The following DNAAF10 variants were observed in gnomAD, a reference collection of about 807,000 sequenced individuals.
The protein encoded by DNAAF10 is dynein axonemal assembly factor 10.
In DNAAF10, 28 loss-of-function variants were observed where a neutral mutation model predicts 43.7. The ratio of observed to expected loss-of-function variants is 0.64; its 90% CI spans 0.48 to 0.88. DNAAF10 has a LOEUF of 0.88. Ranked by LOEUF, DNAAF10 falls within the 40% of genes least tolerant of loss-of-function variation. The pLI is 0.00. For missense variants in DNAAF10, 403 were observed against 439.1 expected (o/e 0.92, Z 0.73); for synonymous variants, 156 against 157.3 (o/e 0.99, Z 0.06).
At chr2:68,133,553 G>C (rs1672969308) in intron 7 of DNAAF10, among the ~76,000 whole-genome samples, 1 of 152,080 alleles carries the variant, frequency 6.6e-6, no homozygotes, top group Non-Finnish European at 1.5e-5. Flanking sequence ...AGGAGTTCGA[G>C]ATCAGCCTGG....
rs747582896 is a variant in DNAAF10 at position 68,131,325 on chromosome 2, C to T, written c.987G>A (p.Trp329Ter). The T allele has an allele frequency of 3.1e-6, 5 of 1,613,972 alleles. No homozygotes were observed. The highest frequency in any genetic ancestry group is 3.3e-5 in the Admixed American group (2 of 59,976). ...LSTQPISSLD[W>*]SPDKRGLCVC... ...CGCAGAGACCCCTTTTATCTGGACTCCAATCCAAACTTGAAATGGGCTGGG... is the reference window on the plus strand; with the variant it reads ...CGCAGAGACCCCTTTTATCTGGACTTCAATCCAAACTTGAAATGGGCTGGG... The change falls in exon 8 of 8, where the codon TGG (tryptophan) becomes TGA (stop). Residue 329 changes from tryptophan (W) to a stop codon, truncating the protein, a stop_gained. Transcript: ENST00000295121. LOFTEE classifies it high-confidence loss of function.
At chr2:68,142,777 C>CA (rs11390122) in intron 3 of DNAAF10, among the ~76,000 whole-genome samples, 22,288 of 136,296 alleles carry the variant, frequency 0.16, 2,500 homozygotes, top group African/African-American at 0.34. Context: ...AAGAAAAGGG[C>CA]AAAAAAAAAA....
intron 6 of DNAAF10, among the ~76,000 whole-genome samples, chr2:68,135,210 T>C (rs926629826): frequency 2.0e-5 from 3 of 152,202 alleles, no homozygotes; most frequent in African/African-American, 7.2e-5. Flanking sequence ...AAATACACTT[T>C]AGTTCTGAGA....
chr2:68,141,976 C>T (rs1003295079), intron 3 of DNAAF10, among the ~76,000 whole-genome samples, 181 bp from the exon 4 acceptor site: 3 of 152,124 alleles, frequency 2.0e-5, no homozygotes, highest in Admixed American at 1.3e-4. Context: ...AGAGATATCA[C>T]CCATATGTAA....
At chr2:68,147,612 G>T in intron 1 of DNAAF10, 45 bp from the exon 2 acceptor site, 1 of 1,410,336 alleles carries the variant, frequency 7.1e-7, no homozygotes, top group Non-Finnish European at 9.8e-7. Flanking sequence ...TATGTAAGCA[G>T]ATATTTATAA....
rs368232793 is a variant in DNAAF10, at chr2:68,138,777, T to C, written c.598A>G (p.Met200Val). The C allele has an allele frequency of 6.2e-7, 1 of 1,614,004 alleles. No individual in the cohort carries two copies. The highest frequency in any genetic ancestry group is 1.3e-5 in the African/African-American group (1 of 74,932). ...GDIKLFDLRN[M>V]ALRWETNIKN... The stretch of plus-strand genomic sequence containing the variant: ...ATGTTTGTCTCCCACCGTAATGCCA[T>C]ATTTCTGAGATCAAATAGTTTGATA... Residue 200 changes from methionine (M) to valine (V), a missense_variant, in exon 5 of 8, where the codon ATG becomes GTG. Transcript: ENST00000295121.
Position 68,156,927 on chromosome 2 carries a change from C to A in DNAAF10, c.183+334G>T, listed in dbSNP as rs1673633887. 2.0e-5 allele frequency: 7 copies of A among 356,384 alleles called. No homozygotes were observed. The South Asian group carries it at 2.8e-4, about 14-fold the overall frequency. The allele number at this position is 356,384 out of a possible 1,614,324, so 22.1% of individuals were successfully genotyped here. ...AACTCCATGAGATGGGGGACATTAC[C>A]ATTCACATCCCTGGGAATACCAGGC... On this transcript the variant is annotated intron_variant, in intron 1 of 7. Transcript: ENST00000295121.
chr2:68,156,174 A>T (rs1232446843), intron 1 of DNAAF10, among the ~76,000 whole-genome samples: 2 of 151,964 alleles, frequency 1.3e-5, no homozygotes, highest in Non-Finnish European at 2.9e-5. Flanking sequence ...GGAACGAAGG[A>T]AAGGTAGAAA....
In DNAAF10 at chr2:68,141,569, T is replaced by A. The variant is rs1038940799; in HGVS notation, c.517+125A>T. The stretch of plus-strand genomic sequence containing the variant: ...GGCTGACATTAACCACCACGTGTAT[T>A]TGCCTCAGTAAACTATTAGAATAAT... On this transcript the variant is annotated intron_variant, in intron 4 of 7. Coordinates refer to ENST00000295121, the MANE Select transcript of DNAAF10 (RefSeq NM_138458.4). 1.2e-5 allele frequency: 10 copies of A among 833,682 alleles called. No individual in the cohort carries two copies. The African/African-American group carries it at 1.4e-4, about 12-fold the overall frequency. The allele number at this position is 833,682 out of a possible 1,614,324, so 51.6% of individuals were successfully genotyped here. A position where few individuals can be genotyped will look rare whatever the true frequency, so the allele number is the denominator to read the frequency against.
Position 68,142,087 on chromosome 2 carries a change from C to T in DNAAF10, c.416-292G>A, listed in dbSNP as rs553609102. Among the ~76,000 whole-genome samples, 146 of 152,252 alleles carry T rather than the reference C, an allele frequency of 9.6e-4. 1 individual carries two copies. Among genetic ancestry groups the T allele is most frequent in the African/African-American group, 3.2e-3 (135 of 41,548 alleles). ...ACTGACAAGGCAAATGTGAATGTTA[C>T]GTAATTCAAATCATGAGCCTAAAAT... On this transcript the variant is annotated intron_variant, in intron 3 of 7. Transcript: ENST00000295121.
rs370022663 is a variant in DNAAF10, at chr2:68,157,247, G to T, written c.183+14C>A. 2.1e-4 allele frequency: 336 copies of T among 1,606,742 alleles called. No homozygotes were observed. The highest frequency in any genetic ancestry group is 2.7e-4 in the Non-Finnish European group (315 of 1,176,386). ...GCCCCCAACGGCAGTCCGGATCCTC[G>T]ACCCGGCACCCACCTCCCGAAGCAG... is the stretch of plus-strand genomic sequence containing the variant. On this transcript the variant is annotated intron_variant, in intron 1 of 7. Transcript: ENST00000295121.
At chr2:68,157,222 G>C (rs1370695518) in intron 1 of DNAAF10, 39 bp downstream of exon 1, 1 of 1,583,960 alleles carries the variant, frequency 6.3e-7, no homozygotes, top group South Asian at 1.2e-5. Flanking sequence ...ATCCGCACTC[G>C]CCCCCAACGG....
intron 7 of DNAAF10, chr2:68,134,410 C>A: frequency 8.7e-7 from 1 of 1,145,846 alleles, no homozygotes; most frequent in Non-Finnish European, 1.1e-6. Flanking sequence ...GTGTTCTAAT[C>A]ACTTCAAGAT....
chr2:68,144,759 A>G (rs778802895), intron 2 of DNAAF10, 44 bp from the exon 3 acceptor site: 7 of 1,573,628 alleles, frequency 4.4e-6, no homozygotes, highest in African/African-American at 1.4e-5. Flanking sequence ...TCCCAAACAT[A>G]TAAGTCTACT....
At chr2:68,131,509 C>A in intron 7 of DNAAF10, 64 bp from the exon 8 acceptor site, 62 of 1,453,464 alleles carry the variant, frequency 4.3e-5, no homozygotes, top group Non-Finnish European at 4.7e-5. Context: ...TATTTTTATA[C>A]ATACACTTCA....
At chr2:68,143,325 A>G (rs1221397574) in intron 3 of DNAAF10, among the ~76,000 whole-genome samples, 1 of 152,112 alleles carries the variant, frequency 6.6e-6, no homozygotes, top group Admixed American at 6.5e-5. Flanking sequence ...CTGTGATTAC[A>G]GGTGTGTGCC....
chr2:68,154,471 C>T (rs371961736), intron 1 of DNAAF10, among the ~76,000 whole-genome samples: 7 of 152,186 alleles, frequency 4.6e-5, no homozygotes, highest in Middle Eastern at 3.4e-3. Context: ...TGATCTCGAT[C>T]TCCTGACCTC....
chr2:68,131,133 T>C lies in DNAAF10; in HGVS notation c.*105A>G, dbSNP rs1572914307. The C allele has an allele frequency of 3.6e-6, 4 of 1,109,202 alleles. No homozygotes were observed. In the East Asian group the frequency reaches 9.9e-5, roughly 27 times the overall value. The allele number at this position is 1,109,202 out of a possible 1,614,324, so 68.7% of individuals were successfully genotyped here. ...CGGGGTTTCACCATGTTAGCCAGGA[T>C]GGTCTCGATCTCCTGACCTTCTGAT... On this transcript the variant is annotated 3_prime_UTR_variant, in exon 8 of 8. Transcript: ENST00000295121.
At position 68,157,260 on chromosome 2, in the gene DNAAF10, C is replaced by A; in HGVS notation, c.183+1G>T. ...GTCCGGATCCTCGACCCGGCACCCA[C>A]CTCCCGAAGCAGCTTCAGGTCCCCG... On this transcript the variant is annotated splice_donor_variant, in intron 1 of 7. Coordinates refer to ENST00000295121, the MANE Select transcript of DNAAF10 (RefSeq NM_138458.4). LOFTEE classifies it high-confidence loss of function. The A allele has an allele frequency of 6.2e-7, 1 of 1,611,782 alleles. No homozygotes were observed.
Sources: allele counts gnomAD v4.1 joint callset (sites outside exome capture counted in the v4.1 genomes callset), GRCh38; gene constraint gnomAD v4.1.1; transcripts MANE v1.5; gene names NCBI Gene and HGNC (gene_info 2026-07-23, HGNC 2026-07-21).